The following CNTN3 variants were observed in gnomAD, a reference collection of about 807,000 sequenced individuals.
The protein encoded by CNTN3 is contactin 3.
A neutral mutation model predicts 119.1 loss-of-function variants in CNTN3; 60 were observed. The ratio of observed to expected loss-of-function variants is 0.50; its 90% CI spans 0.41 to 0.62. CNTN3 has a LOEUF of 0.62. Ranked by LOEUF, CNTN3 falls within the 20% of genes least tolerant of loss-of-function variation. CNTN3 has a pLI of 0.00. For missense variants in CNTN3, 1,101 were observed against 1,242.4 expected, an observed-to-expected ratio of 0.89 and a Z score of 1.71; for synonymous variants, 450 against 438.7, an observed-to-expected ratio of 1.03 and a Z score of -0.32.
At chr3:74,318,390 T>A (rs1024327280) in intron 13 of CNTN3, among the ~76,000 whole-genome samples, 1 of 152,196 alleles carries the variant, frequency 6.6e-6, no homozygotes, top group Non-Finnish European at 1.5e-5. Context: ...GGAGCTGCGT[T>A]CCTTTGGAGG....
chr3:74,397,640 T>C (rs1156598837), intron 5 of CNTN3, among the ~76,000 whole-genome samples: 3 of 152,090 alleles, frequency 2.0e-5, no homozygotes, highest in Admixed American at 6.6e-5. Flanking sequence ...AAGAATAAAT[T>C]TGATTTTGAA....
intron 1 of CNTN3, among the ~76,000 whole-genome samples, chr3:74,591,717 T>A (rs1008446641): frequency 6.6e-6 from 1 of 151,432 alleles, no homozygotes; most frequent in Non-Finnish European, 1.5e-5. Flanking sequence ...ACAGGGAAGA[T>A]GTATGGTCCT....
chr3:74,521,661 T>A (rs771967968), intron 1 of CNTN3, among the ~76,000 whole-genome samples: 16 of 151,738 alleles, frequency 1.1e-4, no homozygotes, highest in Non-Finnish European at 1.9e-4. Context: ...CTTAGACCTA[T>A]TTTTTTAGAA....
At chr3:74,418,858 G>A (rs887854208) in intron 5 of CNTN3, among the ~76,000 whole-genome samples, 2 of 151,532 alleles carry the variant, frequency 1.3e-5, no homozygotes, top group South Asian at 2.1e-4. Context: ...GTGCGATCTC[G>A]GCTTACTAAC....
intron 1 of CNTN3, among the ~76,000 whole-genome samples, chr3:74,612,566 A>G (rs1455513955): frequency 6.6e-6 from 1 of 152,162 alleles, no homozygotes; most frequent in Non-Finnish European, 1.5e-5. Flanking sequence ...CACAGCCTGA[A>G]TCTATTACCC....
At chr3:74,411,965 A>G (rs1004493091) in intron 5 of CNTN3, among the ~76,000 whole-genome samples, 5 of 152,216 alleles carry the variant, frequency 3.3e-5, no homozygotes, top group Admixed American at 1.3e-4. Flanking sequence ...AACATTGCAT[A>G]TGTTAGAAAA....
intron 1 of CNTN3, among the ~76,000 whole-genome samples, chr3:74,566,099 C>T (rs139908764): frequency 3.2e-4 from 48 of 152,246 alleles, no homozygotes; most frequent in African/African-American, 1.2e-3. Flanking sequence ...AACTTCTTTC[C>T]TTTATAAACT....
chr3:74,484,737 C>A (rs112250909), intron 4 of CNTN3, among the ~76,000 whole-genome samples: 1,899 of 152,176 alleles, frequency 0.012, 53 homozygotes, highest in African/African-American at 0.043. Flanking sequence ...CAGAAATTAG[C>A]CTGGCCACCT....
chr3:74,288,073 C>T (rs1020655329), intron 19 of CNTN3, among the ~76,000 whole-genome samples: 1 of 151,830 alleles, frequency 6.6e-6, no homozygotes, highest in African/African-American at 2.4e-5. Context: ...AGACCTAATG[C>T]ATAAGTCTTT....
Position 74,364,487 on chromosome 3 carries a change from C to A in CNTN3, c.1193G>T (p.Ser398Ile). Reference sequence around the variant, plus strand: ...CTTACCAACAACTTTGAGCTCAGCACTGGAATAAACAAGGCCATGTTTGTT... The same window carrying A: ...CTTACCAACAACTTTGAGCTCAGCAATGGAATAAACAAGGCCATGTTTGTT... ...AENKHGLVYS[S>I]AELKVVASAP... The change falls in exon 10 of 23, where the codon AGT (serine) becomes ATT (isoleucine). Residue 398 changes from serine to isoleucine, a missense_variant. Ser to Ile is a moderately radical substitution (Grantham distance 142). Transcript: ENST00000263665. The A allele has an allele frequency of 1.2e-6, 2 of 1,612,436 alleles. No homozygotes were observed. The highest frequency in any genetic ancestry group is 2.2e-5 in the South Asian group (2 of 91,010).
rs143207185 is a variant in CNTN3 at position 74,476,944 on chromosome 3, C to T, written c.358+9512G>A. 4.3e-3 allele frequency among the ~76,000 whole-genome samples: 652 copies of T among 151,888 alleles called. 5 individuals carry two copies. Among genetic ancestry groups the T allele is most frequent in the African/African-American group, 0.014 (597 of 41,426 alleles). Reference sequence around the variant, plus strand: ...AGGTAAAAAGAGATAGAATAGATAACGAGAAGATTCAAAATACACTCAAAA... The same window carrying T: ...AGGTAAAAAGAGATAGAATAGATAATGAGAAGATTCAAAATACACTCAAAA... On this transcript the variant is annotated intron_variant, in intron 4 of 22. Transcript: ENST00000263665.
chr3:74,608,249 T>A (rs763400026), intron 1 of CNTN3, among the ~76,000 whole-genome samples: 9 of 152,152 alleles, frequency 5.9e-5, no homozygotes, highest in Non-Finnish European at 1.3e-4. Context: ...ACAGTGCAAG[T>A]GAAATAGACT....
intron 8 of CNTN3, among the ~76,000 whole-genome samples, chr3:74,368,647 G>A (rs1284999762): frequency 6.6e-6 from 1 of 151,886 alleles, no homozygotes; most frequent in Non-Finnish European, 1.5e-5. Context: ...TACCCAAATT[G>A]AGCAGTACAT....
rs146540391 is a variant in CNTN3, at chr3:74,278,611, G to A, written c.2704+6694C>T. Reference sequence around the variant, plus strand: ...TCACCTTATACAAAAATCAACCCAAGATGGATGAAGGACTTAAATCTAACA... The same window carrying A: ...TCACCTTATACAAAAATCAACCCAAAATGGATGAAGGACTTAAATCTAACA... On this transcript the variant is annotated intron_variant, in intron 20 of 22. Coordinates refer to ENST00000263665, the MANE Select transcript of CNTN3 (RefSeq NM_020872.3). Among the ~76,000 whole-genome samples the A allele has an allele frequency of 5.5e-3, 838 of 152,266 alleles. 5 individuals carry two copies. The highest frequency in any genetic ancestry group is 0.019 in the African/African-American group (789 of 41,546).
intron 20 of CNTN3, among the ~76,000 whole-genome samples, chr3:74,269,218 C>T (rs762619540): frequency 6.6e-6 from 1 of 151,470 alleles, no homozygotes; most frequent in Non-Finnish European, 1.5e-5. Flanking sequence ...TCTATTTTAC[C>T]TTCATCTCAA....
At chr3:74,548,166 G>T (rs1703940619) in intron 1 of CNTN3, among the ~76,000 whole-genome samples, 1 of 152,030 alleles carries the variant, frequency 6.6e-6, no homozygotes, top group South Asian at 2.1e-4. Context: ...TAACAAATCA[G>T]ATGGATTTGG....
intron 1 of CNTN3, among the ~76,000 whole-genome samples, chr3:74,521,947 C>T (rs1300381516): frequency 6.6e-6 from 1 of 151,720 alleles, no homozygotes; most frequent in Non-Finnish European, 1.5e-5. Flanking sequence ...CAGTTGGTAC[C>T]ACACGGGGAA....
chr3:74,308,412 A>G (rs1217628981), intron 13 of CNTN3, among the ~76,000 whole-genome samples: 1 of 152,222 alleles, frequency 6.6e-6, no homozygotes, highest in East Asian at 1.9e-4. Flanking sequence ...CTTGGGTACC[A>G]ATAAACTGGA....
chr3:74,512,461 T>C (rs1000505402), intron 2 of CNTN3, among the ~76,000 whole-genome samples: 35 of 152,166 alleles, frequency 2.3e-4, no homozygotes, highest in African/African-American at 8.2e-4. Context: ...TCAGTTCTCA[T>C]TGAGAGACAA....
Sources: allele counts gnomAD v4.1 joint callset (sites outside exome capture counted in the v4.1 genomes callset), GRCh38; gene constraint gnomAD v4.1.1; transcripts MANE v1.5; gene names NCBI Gene and HGNC (gene_info 2026-07-23, HGNC 2026-07-21).